Variants in PTPRD observed in about 807,000 individuals in gnomAD.
The protein encoded by PTPRD is protein tyrosine phosphatase receptor type D.
Under a neutral mutation model 214.5 loss-of-function variants are expected in PTPRD, and 34 were observed. The ratio of observed to expected loss-of-function variants is 0.16; its 90% CI spans 0.12 to 0.21. The LOEUF (loss-of-function observed/expected upper bound fraction) is 0.21. Ranked by LOEUF, PTPRD falls within the 10% of genes least tolerant of loss-of-function variation. PTPRD has a pLI of 1.00. For missense variants in PTPRD, 2,545 were observed against 2,398.7 expected (o/e 1.06, Z -1.27); for synonymous variants, 1,128 against 845.7 (o/e 1.33, Z -5.79).
At chr9:10,102,654 G>C (rs763279775) in intron 3 of PTPRD, among the ~76,000 whole-genome samples, 3 of 151,442 alleles carry the variant, frequency 2.0e-5, no homozygotes, top group Non-Finnish European at 3.0e-5. Flanking sequence ...TATTCCCCTA[G>C]ATATTTCTCC....
intron 9 of PTPRD, among the ~76,000 whole-genome samples, chr9:9,252,739 C>T (rs1193486754): frequency 6.6e-6 from 1 of 152,020 alleles, no homozygotes; most frequent in Admixed American, 6.6e-5. Flanking sequence ...CCTCCACCTT[C>T]CAAAATAAAT....
intron 10 of PTPRD, among the ~76,000 whole-genome samples, chr9:9,177,785 C>T (rs2099925817): frequency 6.6e-6 from 1 of 152,004 alleles, no homozygotes; most frequent in Non-Finnish European, 1.5e-5. Context: ...ATAAAAATGG[C>T]TTTGTACTTT....
At chr9:8,452,232 T>C (rs555578276) in intron 33 of PTPRD, among the ~76,000 whole-genome samples, 1 of 152,206 alleles carries the variant, frequency 6.6e-6, no homozygotes, top group African/African-American at 2.4e-5. Flanking sequence ...TTAAATGTAT[T>C]TTGCTTAGTT....
chr9:9,090,876 G>C (rs324466), intron 10 of PTPRD: 674,285 of 956,712 alleles, frequency 0.7, 239,277 homozygotes, highest in Admixed American at 0.74. Flanking sequence ...TTAAATAGCT[G>C]TCTCCGGTCC....
In PTPRD at chr9:9,806,136, G is replaced by A. The variant is rs111719458; in HGVS notation, c.-367-39285C>T. ...GCACGGGTCTTATTTAAAGGTTGCT[G>A]GTGTTAGAGTAGGTAGGCAGCCATG... On this transcript the variant is annotated intron_variant, in intron 5 of 45. Transcript: ENST00000381196. Among the ~76,000 whole-genome samples, 839 of 152,198 alleles carry A rather than the reference G, an allele frequency of 5.5e-3. 6 individuals are homozygous for A. The highest frequency in any genetic ancestry group is 0.019 in the African/African-American group (771 of 41,528).
At chr9:8,542,014 T>G (rs1809277228) in intron 14 of PTPRD, among the ~76,000 whole-genome samples, 1 of 152,014 alleles carries the variant, frequency 6.6e-6, no homozygotes, top group Non-Finnish European at 1.5e-5. Context: ...CTTTTGCAAC[T>G]AGATGGAAGA....
At chr9:9,191,611 T>G (rs1290433895) in intron 9 of PTPRD, among the ~76,000 whole-genome samples, 1 of 152,106 alleles carries the variant, frequency 6.6e-6, no homozygotes, top group Non-Finnish European at 1.5e-5. Flanking sequence ...ACATTTAACA[T>G]TATGTCAGAG....
rs533462768 is a variant in PTPRD, at chr9:9,372,160, G to T, written c.-203+25289C>A. The stretch of plus-strand genomic sequence containing the variant: ...GGTGCAGAGCTGAGTTCAATTCCTG[G>T]GTATCCTTGTTAACTTTCTGTCTCG... On this transcript the variant is annotated intron_variant, in intron 9 of 45. Coordinates refer to ENST00000381196, the MANE Select transcript of PTPRD (RefSeq NM_002839.4). Among the ~76,000 whole-genome samples, 5 of 152,010 alleles carry T rather than the reference G, an allele frequency of 3.3e-5. No homozygotes were observed. In the South Asian group the frequency reaches 1.0e-3, roughly 32 times the overall value.
At chr9:8,646,645 T>G (rs776155778) in intron 12 of PTPRD, among the ~76,000 whole-genome samples, 2 of 152,208 alleles carry the variant, frequency 1.3e-5, no homozygotes, top group African/African-American at 2.4e-5. Context: ...CTAGATGAAA[T>G]GTACCATCCT....
intron 12 of PTPRD, among the ~76,000 whole-genome samples, chr9:8,688,329 G>C (rs931420051): frequency 1.3e-5 from 2 of 152,286 alleles, no homozygotes; most frequent in African/African-American, 4.8e-5. Flanking sequence ...CGCTTTGGGA[G>C]GCCAAGGCGG....
chr9:9,837,169 A>C (rs1399057064), intron 5 of PTPRD, among the ~76,000 whole-genome samples: 1 of 152,016 alleles, frequency 6.6e-6, no homozygotes, highest in Non-Finnish European at 1.5e-5. Context: ...GTGGTGGTAA[A>C]TTTTCAATGT....
At chr9:9,864,919 T>C (rs1325355599) in intron 5 of PTPRD, among the ~76,000 whole-genome samples, 1 of 152,160 alleles carries the variant, frequency 6.6e-6, no homozygotes, top group Non-Finnish European at 1.5e-5. Flanking sequence ...TATTTTAGGA[T>C]AAATTATAAA....
intron 7 of PTPRD, among the ~76,000 whole-genome samples, chr9:9,599,918 G>A (rs2093628087): frequency 6.6e-6 from 1 of 152,012 alleles, no homozygotes; most frequent in Non-Finnish European, 1.5e-5. Flanking sequence ...ATCAATAGGT[G>A]AAGAAATATG....
intron 5 of PTPRD, among the ~76,000 whole-genome samples, chr9:9,912,593 G>A (rs188818065): frequency 6.6e-6 from 1 of 152,282 alleles, no homozygotes; most frequent in South Asian, 2.1e-4. Flanking sequence ...AATATTAAAT[G>A]GTATCGTTGG....
At chr9:9,214,405 T>C (rs1019794559) in intron 9 of PTPRD, among the ~76,000 whole-genome samples, 1 of 152,188 alleles carries the variant, frequency 6.6e-6, no homozygotes, top group African/African-American at 2.4e-5. Flanking sequence ...TTTGTTTTAG[T>C]CCACTAACTC....
intron 5 of PTPRD, among the ~76,000 whole-genome samples, chr9:9,794,293 C>T (rs911703533): frequency 6.6e-6 from 1 of 151,356 alleles, no homozygotes; most frequent in African/African-American, 2.4e-5. Flanking sequence ...CCCATGTTGA[C>T]CATGGAAGGT....
intron 36 of PTPRD, among the ~76,000 whole-genome samples, chr9:8,392,074 C>T (rs1023426568): frequency 6.6e-6 from 1 of 152,032 alleles, no homozygotes; most frequent in African/African-American, 2.4e-5. Flanking sequence ...TCAATACTAT[C>T]ACTAAATGCT....
intron 5 of PTPRD, among the ~76,000 whole-genome samples, chr9:9,920,322 A>G (rs1473103328): frequency 6.6e-6 from 1 of 152,136 alleles, no homozygotes; most frequent in Admixed American, 6.6e-5. Context: ...ATAGCCATTT[A>G]AAGTTCAAAA....
At chr9:9,320,733 T>C (rs1966064855) in intron 9 of PTPRD, among the ~76,000 whole-genome samples, 4 of 152,188 alleles carry the variant, frequency 2.6e-5, no homozygotes, top group South Asian at 4.1e-4. Flanking sequence ...TTCAATCCAG[T>C]AGACATTTCC....
Sources: gnomAD v4.1 joint callset for allele counts (sites outside exome capture counted in the v4.1 genomes callset) on GRCh38, gnomAD v4.1.1 for gene constraint, MANE v1.5 for transcripts, NCBI Gene and HGNC (gene_info 2026-07-23, HGNC 2026-07-21) for gene names.